Variants in CCDC178 observed in about 807,000 individuals in gnomAD.
CCDC178 encodes coiled-coil domain-containing protein 178.
Under a neutral mutation model 117.4 loss-of-function variants are expected in CCDC178, and 126 were observed. The observed-to-expected ratio is 1.07, with a 90% CI of 0.93 to 1.24. The LOEUF is 1.24. CCDC178 is among the 50% of genes most tolerant of loss of function. The pLI is 0.00. For synonymous variants in CCDC178, 283 were observed against 313.4 expected (o/e 0.90, Z 1.02); for missense variants, 1,030 against 986.9 (o/e 1.04, Z -0.59).
chr18:33,062,469 C>T (rs2056939733), intron 21 of CCDC178, among the ~76,000 whole-genome samples: 1 of 152,138 alleles, frequency 6.6e-6, no homozygotes, highest in Admixed American at 6.5e-5. Flanking sequence ...ATGCAAGTGA[C>T]AGGGAACCTC....
At chr18:32,943,928 A>C (rs2054292723) in intron 22 of CCDC178, among the ~76,000 whole-genome samples, 1 of 152,232 alleles carries the variant, frequency 6.6e-6, no homozygotes, top group Admixed American at 6.5e-5. Context: ...GTTACTTTTC[A>C]AACCTTGTAT....
chr18:33,150,049 T>C (rs1351858865), intron 20 of CCDC178, among the ~76,000 whole-genome samples: 4 of 152,078 alleles, frequency 2.6e-5, no homozygotes, highest in Admixed American at 2.0e-4. Flanking sequence ...GGCATGTAGA[T>C]CAATGGAAAA....
intron 11 of CCDC178, among the ~76,000 whole-genome samples, chr18:33,310,240 T>C (rs2062320755): frequency 6.6e-6 from 1 of 152,118 alleles, no homozygotes; most frequent in Non-Finnish European, 1.5e-5. Flanking sequence ...ATTACAGGTG[T>C]GCACCACGCC....
chr18:33,360,855 T>C (rs1462764519), intron 6 of CCDC178, among the ~76,000 whole-genome samples: 2 of 151,514 alleles, frequency 1.3e-5, no homozygotes, highest in Admixed American at 6.6e-5. Flanking sequence ...GTGATGCAAA[T>C]AAATGAATAA....
rs142446244 is a variant in CCDC178 at position 33,265,723 on chromosome 18, A to T, written c.1409+1193T>A. Among the ~76,000 whole-genome samples the T allele has an allele frequency of 5.5e-4, 84 of 152,032 alleles. No individual in the cohort carries two copies. The Middle Eastern group carries it at 0.01, about 19-fold the overall frequency. ...GTCTTTGGTCCTTTCACCCCTGTTA[A>T]AATTCATGCAGATATAGAGGGGAAT... is the stretch of plus-strand genomic sequence containing the variant. On this transcript the variant is annotated intron_variant, in intron 14 of 22. Coordinates refer to ENST00000383096, the MANE Select transcript of CCDC178 (RefSeq NM_001105528.4).
At chr18:33,224,611 G>A (rs779996608) in intron 17 of CCDC178, among the ~76,000 whole-genome samples, 164 bp downstream of exon 17, 1 of 152,186 alleles carries the variant, frequency 6.6e-6, no homozygotes, top group Non-Finnish European at 1.5e-5. Context: ...TAATGGTCTT[G>A]CTATAGAGTT....
intron 21 of CCDC178, among the ~76,000 whole-genome samples, chr18:33,085,202 T>C (rs1251986660): frequency 6.6e-6 from 1 of 152,188 alleles, no homozygotes; most frequent in African/African-American, 2.4e-5. Context: ...ATAGAAATAT[T>C]AGTAGCCATA....
Position 33,295,433 on chromosome 18 carries a change from A to G in CCDC178, c.1023-2121T>C, listed in dbSNP as rs1192464103. 2.0e-5 allele frequency among the ~76,000 whole-genome samples: 3 copies of G among 152,138 alleles called. No individual in the cohort carries two copies. In the East Asian group the frequency reaches 5.8e-4, roughly 29 times the overall value. On this transcript the variant is annotated intron_variant, in intron 11 of 22. Transcript: ENST00000383096. The stretch of plus-strand genomic sequence containing the variant: ...AAGTACATGATGAATAAAAGAAAAA[A>G]GTGATAAGTAGAATTTTAGAAAAAT...
intron 9 of CCDC178, among the ~76,000 whole-genome samples, chr18:33,336,744 C>T (rs1235968157): frequency 6.6e-6 from 1 of 151,902 alleles, no homozygotes; most frequent in African/African-American, 2.4e-5. Flanking sequence ...GAACATTCAC[C>T]CAGACAGATA....
chr18:33,297,615 T>C (rs565294356), intron 11 of CCDC178, among the ~76,000 whole-genome samples: 6 of 152,062 alleles, frequency 3.9e-5, no homozygotes, highest in African/African-American at 1.2e-4. Context: ...CCTATTAAGA[T>C]TGAACCAAGA....
chr18:32,996,571 G>A (rs576534271), intron 21 of CCDC178, among the ~76,000 whole-genome samples: 157 of 151,838 alleles, frequency 1.0e-3, no homozygotes, highest in African/African-American at 3.5e-3. Context: ...AATATTAAAT[G>A]AATAAAGTAG....
Position 33,215,614 on chromosome 18 carries a change from T to G in CCDC178, c.2014A>C (p.Asn672His). ...MIFYAKINEL[N>H]EELKAKEEEK... ...TCTTCTTTTGCTTTTAATTCCTCAT[T>G]CAATTCATTTATTTTTGCATAAAAA... The change falls in exon 19 of 23, where the codon AAT (asparagine) becomes CAT (histidine). Residue 672 changes from asparagine to histidine, a missense_variant. Coordinates refer to ENST00000383096, the MANE Select transcript of CCDC178 (RefSeq NM_001105528.4). 6.6e-7 allele frequency: 1 copy of G among 1,521,472 alleles called. No homozygotes were observed. The highest frequency in any genetic ancestry group is 8.8e-7 in the Non-Finnish European group (1 of 1,136,512). 94.2% of individuals were successfully genotyped at this position (1,521,472 alleles called of 1,614,324 possible).
intron 20 of CCDC178, among the ~76,000 whole-genome samples, chr18:33,186,727 G>A (rs1396465849): frequency 6.6e-6 from 1 of 152,036 alleles, no homozygotes; most frequent in Admixed American, 6.6e-5. Flanking sequence ...CCTTCTGCTA[G>A]ACTGTGATGT....
At chr18:33,224,672 T>G (rs1450248243) in intron 17 of CCDC178, 103 bp downstream of exon 17, 1 of 696,582 alleles carries the variant, frequency 1.4e-6, no homozygotes, top group Non-Finnish European at 2.1e-6. Flanking sequence ...AGTTTGCCCC[T>G]ATGTGAAATC....
intron 2 of CCDC178, among the ~76,000 whole-genome samples, chr18:33,414,395 A>G (rs548187824): frequency 5.3e-5 from 8 of 152,238 alleles, no homozygotes; most frequent in African/African-American, 1.9e-4. Context: ...AAATAACACC[A>G]CACATCTACA....
intron 21 of CCDC178, among the ~76,000 whole-genome samples, chr18:32,987,068 A>AG: frequency 6.6e-6 from 1 of 152,012 alleles, no homozygotes; most frequent in Admixed American, 6.5e-5. Flanking sequence ...CAATCAACTA[A>AG]AAAGGCAGGT....
intron 2 of CCDC178, among the ~76,000 whole-genome samples, chr18:33,416,925 T>A (rs1382790489): frequency 1.9e-5 from 1 of 53,556 alleles, no homozygotes. Flanking sequence ...TGAAAATGAC[T>A]AAAATTAAAA....
chr18:33,062,491 T>C (rs1408431218), intron 21 of CCDC178, among the ~76,000 whole-genome samples: 1 of 151,956 alleles, frequency 6.6e-6, no homozygotes, highest in Non-Finnish European at 1.5e-5. Flanking sequence ...GAGGCACAGA[T>C]GGAGAGGGAA....
chr18:33,433,886 G>A (rs553992938), intron 2 of CCDC178, among the ~76,000 whole-genome samples: 2 of 152,100 alleles, frequency 1.3e-5, no homozygotes, highest in South Asian at 2.1e-4. Context: ...TTATGCCATA[G>A]GGGAAAAAGG....
Sources: allele counts gnomAD v4.1 joint callset (sites outside exome capture counted in the v4.1 genomes callset), GRCh38; gene constraint gnomAD v4.1.1; transcripts MANE v1.5; gene names NCBI Gene and HGNC (gene_info 2026-07-23, HGNC 2026-07-21).